Variants in CNTNAP2 observed in about 807,000 individuals in gnomAD.
CNTNAP2 encodes contactin-associated protein-like 2.
A neutral mutation model predicts 155.2 loss-of-function variants in CNTNAP2; 98 were observed. The ratio of observed to expected loss-of-function variants is 0.63; its 90% CI spans 0.54 to 0.75. The LOEUF is 0.75. Ranked by LOEUF, CNTNAP2 falls within the 30% of genes least tolerant of loss-of-function variation. CNTNAP2 has a pLI of 0.00. For missense variants in CNTNAP2, 1,727 were observed against 1,688.1 expected, an observed-to-expected ratio of 1.02 and a Z score of -0.40; for synonymous variants, 651 against 631.2, an observed-to-expected ratio of 1.03 and a Z score of -0.47.
At chr7:146,751,079 G>A (rs1308458190) in intron 1 of CNTNAP2, among the ~76,000 whole-genome samples, 1 of 152,076 alleles carries the variant, frequency 6.6e-6, no homozygotes, top group Non-Finnish European at 1.5e-5. Context: ...TGGTGTTTGG[G>A]TTATACATGT....
chr7:147,254,389 G>A (rs1804272810), intron 8 of CNTNAP2, among the ~76,000 whole-genome samples: 1 of 152,274 alleles, frequency 6.6e-6, no homozygotes, highest in South Asian at 2.1e-4. Flanking sequence ...TAGGAAAAAT[G>A]TATCACCAAG....
At chr7:147,579,385 C>T (rs1800454965) in intron 12 of CNTNAP2, among the ~76,000 whole-genome samples, 1 of 152,096 alleles carries the variant, frequency 6.6e-6, no homozygotes, top group Non-Finnish European at 1.5e-5. Flanking sequence ...CAGTGACAAA[C>T]ACACATAAAA....
At chr7:146,126,594 C>T (rs1421471323) in intron 1 of CNTNAP2, among the ~76,000 whole-genome samples, 5 of 152,100 alleles carry the variant, frequency 3.3e-5, no homozygotes, top group African/African-American at 9.7e-5. Context: ...TACATAAAAG[C>T]TGTCTTTAAA....
intron 15 of CNTNAP2, among the ~76,000 whole-genome samples, chr7:148,019,637 A>G (rs1250125842): frequency 6.6e-6 from 1 of 151,876 alleles, no homozygotes; most frequent in East Asian, 1.9e-4. Context: ...TTATATTTTT[A>G]GTAGAGACAG....
At chr7:146,927,277 T>A (rs115399283) in intron 3 of CNTNAP2, among the ~76,000 whole-genome samples, 1,536 of 152,254 alleles carry the variant, frequency 0.01, 24 homozygotes, top group African/African-American at 0.035. Flanking sequence ...TGTAGAAAAC[T>A]GTTTTTTAGT....
intron 1 of CNTNAP2, among the ~76,000 whole-genome samples, chr7:146,303,113 TGCATACATGAACA>T (rs1800643304): frequency 1.3e-5 from 2 of 150,548 alleles, no homozygotes; most frequent in South Asian, 4.2e-4. Context: ...TGTGTGCGCA[TGCATACATGAACA>T]CGTGTCATGG....
At chr7:148,291,846 A>G (rs1225562740) in intron 21 of CNTNAP2, among the ~76,000 whole-genome samples, 3 of 152,206 alleles carry the variant, frequency 2.0e-5, no homozygotes, top group Non-Finnish European at 2.9e-5. Context: ...GTTTAAAAGA[A>G]GTGTGTAAAT....
At chr7:147,203,734 A>T (rs1802966365) in intron 8 of CNTNAP2, among the ~76,000 whole-genome samples, 1 of 152,198 alleles carries the variant, frequency 6.6e-6, no homozygotes, top group South Asian at 2.1e-4. Flanking sequence ...ACAGAAAAAA[A>T]TATAAAACAG....
intron 1 of CNTNAP2, among the ~76,000 whole-genome samples, chr7:146,520,255 T>C (rs1054502280): frequency 6.7e-6 from 1 of 148,996 alleles, no homozygotes; most frequent in Non-Finnish European, 1.5e-5. Flanking sequence ...AATATTACAG[T>C]ATTCGGGCAT....
At chr7:146,401,308 C>A (rs560749123) in intron 1 of CNTNAP2, among the ~76,000 whole-genome samples, 12 of 151,642 alleles carry the variant, frequency 7.9e-5, no homozygotes, top group Admixed American at 1.3e-4. Flanking sequence ...ATTTTTCAGT[C>A]GATATGGCCA....
chr7:147,925,449 C>G (rs1800380391), intron 14 of CNTNAP2, among the ~76,000 whole-genome samples: 1 of 152,004 alleles, frequency 6.6e-6, no homozygotes, highest in Non-Finnish European at 1.5e-5. Flanking sequence ...TGCTGTTGTA[C>G]ATTCTGTGGA....
rs184159553 is a variant in CNTNAP2 at position 147,433,404 on chromosome 7, A to G, written c.1670+37624A>G. ...AGTTGTAGACAATCTATAGTAGTTCATTTGGTCACAGCGTGTTTGCTTTAC... is the reference window on the plus strand; with the variant it reads ...AGTTGTAGACAATCTATAGTAGTTCGTTTGGTCACAGCGTGTTTGCTTTAC... On this transcript the variant is annotated intron_variant, in intron 10 of 23. Coordinates refer to ENST00000361727, the MANE Select transcript of CNTNAP2 (RefSeq NM_014141.6). 2.6e-5 allele frequency among the ~76,000 whole-genome samples: 4 copies of G among 152,306 alleles called. No homozygotes were observed. The East Asian group carries it at 7.7e-4, about 29-fold the overall frequency.
intron 3 of CNTNAP2, among the ~76,000 whole-genome samples, chr7:147,032,310 T>A (rs1799050740): frequency 6.6e-6 from 1 of 152,178 alleles, no homozygotes; most frequent in Non-Finnish European, 1.5e-5. Flanking sequence ...CACTATGCAT[T>A]TATCAAATCT....
chr7:147,391,579 T>C (rs1000547762), intron 9 of CNTNAP2, among the ~76,000 whole-genome samples: 14 of 152,138 alleles, frequency 9.2e-5, no homozygotes, highest in African/African-American at 3.4e-4. Context: ...TCCACAATTA[T>C]ATAAAGATAA....
At chr7:146,786,650 T>G (rs545748683) in intron 2 of CNTNAP2, among the ~76,000 whole-genome samples, 1 of 152,356 alleles carries the variant, frequency 6.6e-6, no homozygotes, top group South Asian at 2.1e-4. Flanking sequence ...CTATTTTTAT[T>G]GTTCTTGCCT....
chr7:146,321,524 T>G lies in CNTNAP2; in HGVS notation c.97+204551T>G, dbSNP rs1048619397. 3.4e-4 allele frequency among the ~76,000 whole-genome samples: 51 copies of G among 152,176 alleles called. 1 individual carries two copies. The highest frequency in any genetic ancestry group is 6.6e-5 in the Admixed American group (1 of 15,266). On this transcript the variant is annotated intron_variant, in intron 1 of 23. Transcript: ENST00000361727. ...AACAAAAGCAGGCTACTGAATTACC[T>G]TTTGAAGCACTACCTCCTAACAGAC...
At chr7:146,639,477 A>G (rs562670745) in intron 1 of CNTNAP2, among the ~76,000 whole-genome samples, 1 of 120,986 alleles carries the variant, frequency 8.3e-6, no homozygotes, top group Non-Finnish European at 1.7e-5. Flanking sequence ...TTCCCATTTT[A>G]TGGGGGAGGA....
At chr7:146,644,169 ATT>A (rs1018149620) in intron 1 of CNTNAP2, among the ~76,000 whole-genome samples, 5 of 152,110 alleles carry the variant, frequency 3.3e-5, no homozygotes, top group Non-Finnish European at 7.3e-5. Flanking sequence ...CTCCTGCCTA[ATT>A]GCCCTGGCCA....
At chr7:147,553,927 A>G (rs1799900354) in intron 11 of CNTNAP2, among the ~76,000 whole-genome samples, 1 of 152,104 alleles carries the variant, frequency 6.6e-6, no homozygotes, top group East Asian at 1.9e-4. Context: ...GCGTCATTGC[A>G]CTCCAGCCTA....
Sources: allele counts gnomAD v4.1 joint callset (sites outside exome capture counted in the v4.1 genomes callset), GRCh38; gene constraint gnomAD v4.1.1; transcripts MANE v1.5; gene names NCBI Gene and HGNC (gene_info 2026-07-23, HGNC 2026-07-21).